WASF3: variants seen among roughly 807,000 people sequenced by gnomAD.
WASF3 encodes WASP family member 3.
WASF3 carries 11 observed loss-of-function variants against 46.6 expected under a neutral mutation model. That is an observed-to-expected ratio of 0.24 (90% CI 0.15 to 0.39). WASF3 has a LOEUF of 0.39. Ranked by LOEUF, WASF3 falls within the 10% of genes least tolerant of loss-of-function variation. The probability of loss-of-function intolerance (pLI) is 1.00; values close to 1 mark genes in which losing one functional copy is unlikely to be tolerated. For synonymous variants in WASF3, 242 were observed against 259.7 expected (o/e 0.93, Z 0.65); for missense variants, 576 against 669.8 (o/e 0.86, Z 1.55).
At chr13:26,542,285 A>G in the WASF3 span, among the ~76,000 whole-genome samples, 1 of 152,200 alleles carries the variant, frequency 6.6e-6, no homozygotes, top group Non-Finnish European at 1.5e-5. Flanking sequence ...ATAAGATTGT[A>G]GGTTGTTTGA....
intron 3 of WASF3, among the ~76,000 whole-genome samples, chr13:26,647,030 T>C (rs1007979250): frequency 1.3e-5 from 2 of 152,226 alleles, no homozygotes; most frequent in African/African-American, 4.8e-5. Flanking sequence ...TAGCTCTGGA[T>C]ATGCTCTTAC....
chr13:26,552,131 T>C, the WASF3 span, among the ~76,000 whole-genome samples: 6 of 152,222 alleles, frequency 3.9e-5, no homozygotes, highest in Non-Finnish European at 7.3e-5. Context: ...TCCATGTTCA[T>C]TGGAAAAACA....
intron 1 of WASF3, among the ~76,000 whole-genome samples, chr13:26,605,651 A>G (rs1410690444): frequency 6.6e-6 from 1 of 152,224 alleles, no homozygotes; most frequent in African/African-American, 2.4e-5. Flanking sequence ...ATTAGGATCC[A>G]CAGGTGGCTG....
In WASF3 at chr13:26,679,550, A is replaced by C. The variant is rs775748554; in HGVS notation, c.717-1504A>C. 1.3e-5 allele frequency among the ~76,000 whole-genome samples: 2 copies of C among 152,032 alleles called. No individual in the cohort carries two copies. The highest frequency in any genetic ancestry group is 2.9e-5 in the Non-Finnish European group (2 of 68,018). On this transcript the variant is annotated intron_variant, in intron 7 of 9. Transcript: ENST00000335327. This position sits in a 1 kb window ranked among gnomAD's most constrained non-coding sequence, Gnocchi z 4.8. ...ATTTATAGTTTCCTACCCTCATCTC[A>C]TCAGAAAGCTGTCCATGTTTGGCTG... is the stretch of plus-strand genomic sequence containing the variant.
the WASF3 span, among the ~76,000 whole-genome samples, chr13:26,544,403 A>G: frequency 6.6e-6 from 1 of 152,172 alleles, no homozygotes; most frequent in Non-Finnish European, 1.5e-5. Context: ...GGGCCAGCAA[A>G]TGTGCTTCTT....
chr13:26,675,650 C>CTGTCTGTGTGTGTGTGTGTGTG (rs1883046297), intron 6 of WASF3, among the ~76,000 whole-genome samples: 1 of 146,980 alleles, frequency 6.8e-6, no homozygotes, highest in Admixed American at 6.8e-5. Context: ...GATGCCATGT[C>CTGTCTGTGTGTGTGTGTGTGTG]TGTGTGTGTG....
At chr13:26,614,701 T>A (rs1425919555) in intron 2 of WASF3, among the ~76,000 whole-genome samples, 1 of 152,200 alleles carries the variant, frequency 6.6e-6, no homozygotes, top group Non-Finnish European at 1.5e-5. Context: ...ATTTATTTTT[T>A]AACACGGATA....
chr13:26,563,038 C>T (rs1420414069), intron 1 of WASF3, among the ~76,000 whole-genome samples: 3 of 151,288 alleles, frequency 2.0e-5, no homozygotes, highest in Non-Finnish European at 4.4e-5. Context: ...CTTTGCAGGG[C>T]GGTTGCTTCC....
At chr13:26,571,644 T>A (rs914915802) in intron 1 of WASF3, among the ~76,000 whole-genome samples, 16 of 152,216 alleles carry the variant, frequency 1.1e-4, no homozygotes, top group African/African-American at 3.9e-4. Flanking sequence ...GGCTTTGTTT[T>A]AATATTTGGA....
At chr13:26,637,737 C>G (rs959724945) in intron 2 of WASF3, among the ~76,000 whole-genome samples, 8 of 152,202 alleles carry the variant, frequency 5.3e-5, no homozygotes, top group African/African-American at 1.9e-4. Flanking sequence ...TTCCAGGTCA[C>G]CGTCACTGTA....
intron 1 of WASF3, among the ~76,000 whole-genome samples, chr13:26,586,735 T>G (rs1424839369): frequency 1.3e-5 from 2 of 152,086 alleles, no homozygotes; most frequent in Non-Finnish European, 2.9e-5. Flanking sequence ...GAGACTGGGT[T>G]TTAGACCTTA....
At chr13:26,664,020 G>T (rs1882703615) in intron 3 of WASF3, among the ~76,000 whole-genome samples, 1 of 152,138 alleles carries the variant, frequency 6.6e-6, no homozygotes, top group Non-Finnish European at 1.5e-5. Flanking sequence ...GTGTGCAGGA[G>T]GCATCACACA....
chr13:26,633,461 C>T (rs1239406824), intron 2 of WASF3, among the ~76,000 whole-genome samples: 3 of 152,140 alleles, frequency 2.0e-5, no homozygotes, highest in Admixed American at 6.5e-5. Context: ...ACCTCGGCCT[C>T]CCAAAGTGCT....
intron 2 of WASF3, chr13:26,618,935 G>A (rs1881223206): frequency 6.6e-6 from 1 of 152,064 alleles, no homozygotes; most frequent in Admixed American, 6.6e-5. Context: ...CATATTTTTG[G>A]CTTGTGGTTT....
intron 2 of WASF3, among the ~76,000 whole-genome samples, chr13:26,627,982 G>A (rs1387087198): frequency 3.3e-5 from 5 of 151,946 alleles, no homozygotes; most frequent in African/African-American, 1.2e-4. Context: ...TCTTCCCTAG[G>A]TGTTAGGAGC....
At chr13:26,627,991 G>T (rs1380406716) in intron 2 of WASF3, among the ~76,000 whole-genome samples, 3 of 152,074 alleles carry the variant, frequency 2.0e-5, no homozygotes, top group Non-Finnish European at 4.4e-5. Context: ...GGTGTTAGGA[G>T]CTGAGAGAGT....
At chr13:26,677,570 A>G (rs1415592259) in intron 7 of WASF3, among the ~76,000 whole-genome samples, 1 of 152,222 alleles carries the variant, frequency 6.6e-6, no homozygotes, top group Non-Finnish European at 1.5e-5. Flanking sequence ...AGTGTTTAGC[A>G]CAAACTCTTA....
intron 8 of WASF3, among the ~76,000 whole-genome samples, chr13:26,681,666 G>T (rs750510917): frequency 3.9e-5 from 6 of 152,142 alleles, no homozygotes; most frequent in African/African-American, 1.4e-4. Context: ...ATCCTGAGTG[G>T]ACCACAGAAA....
At chr13:26,627,574 C>T (rs942055209) in intron 2 of WASF3, among the ~76,000 whole-genome samples, 5 of 151,704 alleles carry the variant, frequency 3.3e-5, no homozygotes, top group Non-Finnish European at 5.9e-5. Context: ...GCTGGGGGGA[C>T]GTGAAATGTG....
Sources: gnomAD v4.1 joint callset for allele counts (sites outside exome capture counted in the v4.1 genomes callset) on GRCh38, gnomAD v4.1.1 for gene constraint, Gnocchi (gnomAD v3.1) non-coding constraint, MANE v1.5 for transcripts, NCBI Gene and HGNC (gene_info 2026-07-23, HGNC 2026-07-21) for gene names.